Variants in LPP observed in about 807,000 individuals in gnomAD.
LPP encodes the protein lipoma-preferred partner.
LPP carries 38 observed loss-of-function variants against 60.4 expected under a neutral mutation model. The observed-to-expected ratio is 0.63, with a 90% CI of 0.49 to 0.83. The LOEUF is 0.83. Among genes scored for constraint, LPP ranks in the 40% least tolerant of loss-of-function variants. The pLI, the probability that LPP is intolerant of heterozygous loss-of-function variation, is 0.00. For missense variants in LPP, 902 were observed against 783.6 expected (o/e 1.15, Z -1.80); for synonymous variants, 328 against 290.8 (o/e 1.13, Z -1.30).
chr3:188,579,665 T>A (rs201168232), intron 6 of LPP, among the ~76,000 whole-genome samples: 3 of 119,748 alleles, frequency 2.5e-5, no homozygotes, highest in African/African-American at 9.3e-5. Flanking sequence ...TTTTTTTTTT[T>A]AAACCCCAGT....
rs1157773648 is a variant in LPP, at chr3:188,609,998, G to C, written c.1113+154G>C. ...GAAGGATGAGTGAAGCCAGAGAGGA[G>C]AGAGAGACTACTTAGTATGTTACTA... is the stretch of plus-strand genomic sequence containing the variant. On this transcript the variant is annotated intron_variant, in intron 7 of 11. Transcript: ENST00000617246. This position sits in a 1 kb window ranked among gnomAD's most constrained non-coding sequence, Gnocchi z 6.9. 1.3e-5 allele frequency among the ~76,000 whole-genome samples: 2 copies of C among 152,086 alleles called. No individual in the cohort carries two copies. Among genetic ancestry groups the C allele is most frequent in the Non-Finnish European group, 2.9e-5 (2 of 68,014 alleles).
At position 188,227,401 on chromosome 3, in the gene LPP, T is replaced by C. The variant is rs377429745; in HGVS notation, c.-67+1874T>C. Among the ~76,000 whole-genome samples the C allele has an allele frequency of 2.3e-4, 32 of 137,218 alleles. No homozygotes were observed. In the East Asian group the frequency reaches 2.9e-3, roughly 13 times the overall value. The allele number at this position is 137,218 out of a possible 152,430, so 90.0% of individuals were successfully genotyped here. On this transcript the variant is annotated intron_variant, in intron 2 of 11. Transcript: ENST00000617246. ...CCCTTCCTGTGTCCATGTGTTCTCA[T>C]TGTTCAGTTCCCACCTATGAGCAGA...
intron 7 of LPP, among the ~76,000 whole-genome samples, chr3:188,677,661 T>C (rs1194718679): frequency 3.3e-5 from 5 of 152,314 alleles, no homozygotes; most frequent in Middle Eastern, 6.8e-3. Flanking sequence ...CATGAGCTGC[T>C]CTGTCATTTG....
At chr3:188,854,323 A>C (rs1252185440) in intron 9 of LPP, among the ~76,000 whole-genome samples, 1 of 152,214 alleles carries the variant, frequency 6.6e-6, no homozygotes, top group South Asian at 2.1e-4. Context: ...TATTACAGCC[A>C]AGATACTGTT....
intron 6 of LPP, among the ~76,000 whole-genome samples, chr3:188,597,578 C>T (rs1309107632): frequency 1.3e-5 from 2 of 152,050 alleles, no homozygotes; most frequent in Non-Finnish European, 2.9e-5. Flanking sequence ...AGCTAAGAAA[C>T]CCAATGTTTA....
At chr3:188,640,518 T>A in intron 7 of LPP, among the ~76,000 whole-genome samples, 1 of 143,976 alleles carries the variant, frequency 6.9e-6, no homozygotes, top group Non-Finnish European at 1.5e-5. Context: ...TAAAGTATAA[T>A]AATAATAATA....
chr3:188,675,252 G>A (rs1445200686), intron 7 of LPP, among the ~76,000 whole-genome samples: 1 of 152,196 alleles, frequency 6.6e-6, no homozygotes, highest in African/African-American at 2.4e-5. Context: ...GTGGGCTAGG[G>A]TATACTGGGA....
intron 7 of LPP, among the ~76,000 whole-genome samples, chr3:188,677,197 C>G (rs977947706): frequency 2.6e-5 from 4 of 152,074 alleles, no homozygotes; most frequent in African/African-American, 7.2e-5. Context: ...CACTTGTGAC[C>G]CACAGAAACT....
At chr3:188,639,845 A>T (rs995191593) in intron 7 of LPP, among the ~76,000 whole-genome samples, 1 of 152,204 alleles carries the variant, frequency 6.6e-6, no homozygotes, top group Non-Finnish European at 1.5e-5. Context: ...TTGGAATGGC[A>T]ATCATTAAAA....
intron 6 of LPP, among the ~76,000 whole-genome samples, chr3:188,564,916 T>A (rs933196565): frequency 6.6e-6 from 1 of 151,966 alleles, no homozygotes; most frequent in Admixed American, 6.6e-5. Context: ...CACTAGGATG[T>A]TCGTTATATG....
At chr3:188,548,747 A>G (rs907862829) in intron 6 of LPP, among the ~76,000 whole-genome samples, 1 of 152,316 alleles carries the variant, frequency 6.6e-6, no homozygotes, top group South Asian at 2.1e-4. Context: ...GGATTTGAAT[A>G]TAAAAAGTAG....
At chr3:188,231,300 T>C (rs1363219077) in intron 2 of LPP, among the ~76,000 whole-genome samples, 1 of 152,186 alleles carries the variant, frequency 6.6e-6, no homozygotes, top group Non-Finnish European at 1.5e-5. Context: ...CAGGTTTACA[T>C]GGATGTGCTA....
At chr3:188,836,075 G>A (rs1404378115) in intron 9 of LPP, among the ~76,000 whole-genome samples, 1 of 152,160 alleles carries the variant, frequency 6.6e-6, no homozygotes, top group East Asian at 1.9e-4. Context: ...TGTTGTTTCT[G>A]TCCAGAATTG....
At chr3:188,863,556 G>A (rs576511407) in intron 9 of LPP, among the ~76,000 whole-genome samples, 1 of 152,160 alleles carries the variant, frequency 6.6e-6, no homozygotes, top group Non-Finnish European at 1.5e-5. Context: ...TTCCTTTCTC[G>A]AAGGCTACTG....
intron 4 of LPP, among the ~76,000 whole-genome samples, chr3:188,455,671 G>A (rs1048412026): frequency 5.3e-5 from 8 of 152,234 alleles, no homozygotes; most frequent in African/African-American, 1.9e-4. Context: ...GGCAATGTTG[G>A]TGAATATTTT....
chr3:188,696,858 C>T (rs1235122350), intron 7 of LPP, among the ~76,000 whole-genome samples: 1 of 152,174 alleles, frequency 6.6e-6, no homozygotes, highest in Non-Finnish European at 1.5e-5. Flanking sequence ...GGTTGCATCT[C>T]ACTCATTTTG....
chr3:188,737,460 C>T (rs977552518), intron 8 of LPP, among the ~76,000 whole-genome samples: 1 of 152,270 alleles, frequency 6.6e-6, no homozygotes, highest in African/African-American at 2.4e-5. Context: ...TGAAATTTCC[C>T]GTGGATGAAT....
chr3:188,518,105 G>A (rs1188584504), intron 5 of LPP, among the ~76,000 whole-genome samples: 1 of 152,116 alleles, frequency 6.6e-6, no homozygotes, highest in African/African-American at 2.4e-5. Flanking sequence ...GCGGAACCAT[G>A]AGCCAAATAA....
intron 4 of LPP, among the ~76,000 whole-genome samples, chr3:188,452,562 C>G (rs1796841295): frequency 6.6e-6 from 1 of 152,040 alleles, no homozygotes; most frequent in South Asian, 2.1e-4. Flanking sequence ...GGAAAAATGA[C>G]AAATAAGAAA....
Sources: allele counts gnomAD v4.1 joint callset (sites outside exome capture counted in the v4.1 genomes callset), GRCh38; gene constraint gnomAD v4.1.1; non-coding constraint Gnocchi (gnomAD v3.1); transcripts MANE v1.5; gene names NCBI Gene and HGNC (gene_info 2026-07-23, HGNC 2026-07-21).